The following ATP2C2 variants were observed in gnomAD, a reference collection of about 807,000 sequenced individuals.
ATP2C2 encodes calcium-transporting ATPase type 2C member 2.
ATP2C2 carries 171 observed loss-of-function variants against 110.8 expected under a neutral mutation model. That is an observed-to-expected ratio of 1.54 (90% CI 1.36 to 1.75). The LOEUF (loss-of-function observed/expected upper bound fraction) is 1.75. ATP2C2 is among the 40% of genes most tolerant of loss of function. ATP2C2 has a pLI of 0.00. For synonymous variants in ATP2C2, 804 were observed against 508.4 expected, an observed-to-expected ratio of 1.58 and a Z score of -7.82; for missense variants, 1,963 against 1,235.0, an observed-to-expected ratio of 1.59 and a Z score of -8.84.
chr16:84,463,852 G>T lies in ATP2C2; in HGVS notation c.*120G>T. On this transcript the variant is annotated 3_prime_UTR_variant, in exon 27 of 27. Transcript: ENST00000262429. ...GCCGCAGCCTTCCATCACCGGATCAGTTTTTCCTCTTAGGAAAGCTGCAGG... is the reference window on the plus strand; with the variant it reads ...GCCGCAGCCTTCCATCACCGGATCATTTTTTCCTCTTAGGAAAGCTGCAGG... The T allele has an allele frequency of 1.1e-6, 1 of 907,966 alleles. No individual in the cohort carries two copies. The allele number at this position is 907,966 out of a possible 1,614,324, so 56.2% of individuals were successfully genotyped here.
intron 1 of ATP2C2, among the ~76,000 whole-genome samples, chr16:84,372,678 C>T (rs867922213): frequency 4.9e-4 from 75 of 152,144 alleles, no homozygotes; most frequent in African/African-American, 1.5e-3. Context: ...CCTGCCTCAG[C>T]CTCCCAAAGT....
chr16:84,428,599 A>G (rs1907992328), intron 11 of ATP2C2, among the ~76,000 whole-genome samples: 1 of 152,238 alleles, frequency 6.6e-6, no homozygotes, highest in Admixed American at 6.5e-5. Context: ...ATGTGGGCAC[A>G]CAGATGTGAT....
At chr16:84,460,540 C>G (rs1237696003) in intron 23 of ATP2C2, 114 bp from the exon 24 acceptor site, 2 of 1,468,980 alleles carry the variant, frequency 1.4e-6, no homozygotes, top group Admixed American at 3.4e-5. Context: ...TCAGCAAATG[C>G]CTGGCCCTGC....
chr16:84,459,429 C>G (rs755398943), intron 23 of ATP2C2, 43 bp downstream of exon 23: 2 of 1,605,302 alleles, frequency 1.2e-6, no homozygotes, highest in South Asian at 1.1e-5. Flanking sequence ...CTTTACCCAC[C>G]TGCGGGGCTT....
chr16:84,444,739 G>T lies in ATP2C2; in HGVS notation c.1402-1590G>T, dbSNP rs535312582. Among the ~76,000 whole-genome samples the T allele has an allele frequency of 1.0e-4, 15 of 149,586 alleles. No homozygotes were observed. The South Asian group carries it at 3.2e-3, about 32-fold the overall frequency. ...GAGAGAGGTTCCAGCACCCAGAAGA[G>T]ATTTCCTTGATGTGTTATAATTTTC... On this transcript the variant is annotated intron_variant, in intron 15 of 26. Transcript: ENST00000262429.
chr16:84,448,617 C>A lies in ATP2C2; in HGVS notation c.1588C>A (p.Leu530Met), dbSNP rs1196799370. The A allele has an allele frequency of 6.8e-6, 11 of 1,614,004 alleles. No homozygotes were observed. The highest frequency in any genetic ancestry group is 9.3e-6 in the Non-Finnish European group (11 of 1,180,006). The change falls in exon 17 of 27, where the codon CTG (leucine) becomes ATG (methionine). Residue 530 changes from leucine to methionine, a missense_variant. Leu to Met is a conservative substitution (Grantham distance 15, BLOSUM62 2). Coordinates refer to ENST00000262429, the MANE Select transcript of ATP2C2 (RefSeq NM_014861.4). Reference protein sequence around the residue: ...CTMYNNGGIPLPLTPQQRSFC... With the variant: ...CTMYNNGGIPMPLTPQQRSFC... ...CATGTACAACAACGGGGGCATCCCC[C>A]TGCCGCTGACGCCCCAGCAGAGGTC...
At chr16:84,434,813 C>G (rs1331453041) in intron 11 of ATP2C2, among the ~76,000 whole-genome samples, 1 of 152,168 alleles carries the variant, frequency 6.6e-6, no homozygotes, top group Non-Finnish European at 1.5e-5. Context: ...CCACCACACC[C>G]GGCCCATTCT....
chr16:84,434,977 C>T (rs962898096), intron 11 of ATP2C2, among the ~76,000 whole-genome samples: 5 of 152,212 alleles, frequency 3.3e-5, no homozygotes, highest in African/African-American at 7.2e-5. Context: ...GCCATAAAAC[C>T]AACGAAGCCT....
chr16:84,373,933 T>A (rs1910108699), intron 1 of ATP2C2, among the ~76,000 whole-genome samples: 1 of 152,246 alleles, frequency 6.6e-6, no homozygotes, highest in South Asian at 2.1e-4. Context: ...GTCAGGACTT[T>A]GTTTGCTAGT....
chr16:84,447,872 GTTAA>G (rs1909902827), intron 16 of ATP2C2, among the ~76,000 whole-genome samples: 5 of 140,038 alleles, frequency 3.6e-5, no homozygotes, highest in Admixed American at 3.2e-4. Context: ...ACATTAATAT[GTTAA>G]TTACATATTA....
At chr16:84,442,484 C>G (rs754337546) in intron 14 of ATP2C2, 26 bp from the exon 15 acceptor site, 2 of 1,612,046 alleles carry the variant, frequency 1.2e-6, no homozygotes, top group Admixed American at 3.3e-5. Context: ...GTACTAACTA[C>G]AGATGTCCGG....
At chr16:84,432,499 C>G (rs1316964344) in intron 11 of ATP2C2, among the ~76,000 whole-genome samples, 1 of 151,774 alleles carries the variant, frequency 6.6e-6, no homozygotes, top group East Asian at 2.0e-4. Flanking sequence ...TGTTCAACTC[C>G]CACTTAGGAG....
At chr16:84,371,057 G>C (rs1401901222) in intron 1 of ATP2C2, among the ~76,000 whole-genome samples, 1 of 152,206 alleles carries the variant, frequency 6.6e-6, no homozygotes, top group African/African-American at 2.4e-5. Flanking sequence ...CCAATGGTCA[G>C]CTGAGAAACT....
intron 6 of ATP2C2, among the ~76,000 whole-genome samples, chr16:84,414,912 A>G (rs1399206451): frequency 1.3e-5 from 2 of 152,198 alleles, no homozygotes; most frequent in Middle Eastern, 3.4e-3. Flanking sequence ...TCCAGCTGCC[A>G]TATGCAGGAT....
At chr16:84,415,926 TAGAA>T (rs1292293443) in intron 7 of ATP2C2, among the ~76,000 whole-genome samples, 1 of 151,682 alleles carries the variant, frequency 6.6e-6, no homozygotes, top group Non-Finnish European at 1.5e-5. Flanking sequence ...ACACAAGTGT[TAGAA>T]AGAAGTGATA....
chr16:84,446,083 A>C (rs138864944), intron 15 of ATP2C2, among the ~76,000 whole-genome samples: 2 of 152,296 alleles, frequency 1.3e-5, no homozygotes, highest in Non-Finnish European at 2.9e-5. Flanking sequence ...GTTTGTTTCT[A>C]AGCAGATTTC....
At position 84,448,619 on chromosome 16, in the gene ATP2C2, G is replaced by C; in HGVS notation, c.1590G>C (p.Leu530=). ...CTMYNNGGIP[L]PLTPQQRSFC... Reference sequence around the variant, plus strand: ...TGTACAACAACGGGGGCATCCCCCTGCCGCTGACGCCCCAGCAGAGGTCAT... The same window carrying C: ...TGTACAACAACGGGGGCATCCCCCTCCCGCTGACGCCCCAGCAGAGGTCAT... Residue 530 remains leucine (L), a synonymous_variant, in exon 17 of 27, where the codon CTG becomes CTC. Transcript: ENST00000262429. The C allele has an allele frequency of 6.2e-7, 1 of 1,614,082 alleles. No individual in the cohort carries two copies. The highest frequency in any genetic ancestry group is 8.5e-7 in the Non-Finnish European group (1 of 1,179,992).
At chr16:84,430,697 C>G (rs1443659884) in intron 11 of ATP2C2, among the ~76,000 whole-genome samples, 1 of 150,338 alleles carries the variant, frequency 6.7e-6, no homozygotes, top group Non-Finnish European at 1.5e-5. Flanking sequence ...GAGGGAGGGA[C>G]CAGGGTCTTT....
intron 1 of ATP2C2, among the ~76,000 whole-genome samples, chr16:84,381,631 C>T (rs1225362906): frequency 1.3e-5 from 2 of 152,068 alleles, no homozygotes; most frequent in African/African-American, 4.8e-5. Flanking sequence ...AGTGTCTTTT[C>T]CCTCATAGAT....
Sources: gnomAD v4.1 joint callset for allele counts (sites outside exome capture counted in the v4.1 genomes callset) on GRCh38, gnomAD v4.1.1 for gene constraint, MANE v1.5 for transcripts, NCBI Gene and HGNC (gene_info 2026-07-23, HGNC 2026-07-21) for gene names.